Variants in NOL4 observed in about 807,000 individuals in gnomAD.
NOL4 encodes nucleolar protein 4, also known as cancer/testis antigen 125.
NOL4 carries 17 observed loss-of-function variants against 75.9 expected under a neutral mutation model. That is an observed-to-expected ratio of 0.22 (90% CI 0.15 to 0.34). The LOEUF (loss-of-function observed/expected upper bound fraction) is 0.34. NOL4 is among the 10% of genes least tolerant of loss of function. The pLI is 1.00. For missense variants in NOL4, 614 were observed against 793.5 expected (o/e 0.77, Z 2.72); for synonymous variants, 292 against 289.9 (o/e 1.01, Z -0.07).
intron 5 of NOL4, chr18:34,048,626 G>A: frequency 1.0e-6 from 1 of 985,106 alleles, no homozygotes; most frequent in East Asian, 1.1e-4. Flanking sequence ...GCAGGAGATG[G>A]TGTTGCTATG....
chr18:34,099,841 C>T (rs1016913447), intron 4 of NOL4, among the ~76,000 whole-genome samples: 19 of 152,098 alleles, frequency 1.2e-4, no homozygotes, highest in Admixed American at 1.2e-3. Context: ...GTGAGTAATT[C>T]TCTTTTTCCC....
At chr18:34,153,809 A>G (rs2146107452) in intron 1 of NOL4, among the ~76,000 whole-genome samples, 1 of 152,170 alleles carries the variant, frequency 6.6e-6, no homozygotes, top group East Asian at 1.9e-4. Context: ...CCAGTGATCC[A>G]CAGCCAGCAT....
chr18:34,119,910 C>T (rs183942901), intron 2 of NOL4, among the ~76,000 whole-genome samples: 1 of 152,284 alleles, frequency 6.6e-6, no homozygotes, highest in East Asian at 1.9e-4. Context: ...GCTTAAGCCA[C>T]CGCGCCCGGC....
At chr18:33,963,521 G>T (rs1053084427) in intron 6 of NOL4, among the ~76,000 whole-genome samples, 1 of 151,986 alleles carries the variant, frequency 6.6e-6, no homozygotes, top group African/African-American at 2.4e-5. Context: ...AGGTGCAATT[G>T]TTTTCTTACT....
At chr18:33,888,440 A>G (rs2064894624) in intron 9 of NOL4, among the ~76,000 whole-genome samples, 2 of 151,888 alleles carry the variant, frequency 1.3e-5, no homozygotes, top group African/African-American at 4.8e-5. Flanking sequence ...CCATTTGTCA[A>G]TTTTGTCTTT....
chr18:33,965,391 G>A (rs957184491), intron 6 of NOL4, among the ~76,000 whole-genome samples: 14 of 152,040 alleles, frequency 9.2e-5, no homozygotes, highest in African/African-American at 3.4e-4. Flanking sequence ...TACTGGGGAG[G>A]GTGAGGCAGT....
chr18:33,863,718 A>T (rs2063292961), intron 10 of NOL4, among the ~76,000 whole-genome samples: 2 of 152,058 alleles, frequency 1.3e-5, no homozygotes, highest in Non-Finnish European at 2.9e-5. Flanking sequence ...TTGTCAGTGG[A>T]TCTACTATTC....
intron 1 of NOL4, among the ~76,000 whole-genome samples, chr18:34,185,423 G>A (rs923874000): frequency 6.6e-5 from 10 of 152,040 alleles, no homozygotes; most frequent in African/African-American, 2.4e-4. Context: ...GTGTGCTGCA[G>A]GAAAGAAACT....
At chr18:33,963,340 T>C (rs537417621) in intron 6 of NOL4, among the ~76,000 whole-genome samples, 2 of 152,204 alleles carry the variant, frequency 1.3e-5, no homozygotes, top group Non-Finnish European at 2.9e-5. Context: ...AACTATTTGG[T>C]TTTCATAAAT....
At chr18:34,037,802 C>A (rs184056285) in intron 5 of NOL4, among the ~76,000 whole-genome samples, 69 of 151,904 alleles carry the variant, frequency 4.5e-4, no homozygotes, top group Non-Finnish European at 8.4e-4. Context: ...AATTATAAAA[C>A]CACTGTAAGG....
At chr18:33,952,693 G>A (rs1047860217) in intron 8 of NOL4, among the ~76,000 whole-genome samples, 1 of 152,244 alleles carries the variant, frequency 6.6e-6, no homozygotes, top group Non-Finnish European at 1.5e-5. Flanking sequence ...GGGAGGCCAA[G>A]GCGGGTGGAT....
At chr18:34,020,681 T>C (rs1351857821) in intron 5 of NOL4, among the ~76,000 whole-genome samples, 1 of 152,120 alleles carries the variant, frequency 6.6e-6, no homozygotes, top group Non-Finnish European at 1.5e-5. Context: ...TTTTAAGATA[T>C]GGGGATGTGA....
At chr18:33,853,112 T>C in intron 10 of NOL4, 77 bp from the exon 11 acceptor site, 2 of 1,188,436 alleles carry the variant, frequency 1.7e-6, no homozygotes, top group Non-Finnish European at 2.3e-6. Flanking sequence ...TTCAATAAAT[T>C]ATAGTTGAAT....
intron 5 of NOL4, among the ~76,000 whole-genome samples, chr18:34,064,351 A>T (rs1388182454): frequency 6.6e-6 from 1 of 151,988 alleles, no homozygotes. Context: ...CTGCAGTTGT[A>T]CTCGTTGTAT....
chr18:33,942,965 T>C, intron 9 of NOL4, 100 bp downstream of exon 9: 1 of 792,332 alleles, frequency 1.3e-6, no homozygotes, highest in Non-Finnish European at 2.1e-6. Flanking sequence ...TCTGTGTACT[T>C]TAAATCCATT....
chr18:33,893,104 TA>T (rs1174732688), intron 9 of NOL4, among the ~76,000 whole-genome samples: 2 of 152,150 alleles, frequency 1.3e-5, no homozygotes, highest in Non-Finnish European at 2.9e-5. Context: ...TTTATTTGAT[TA>T]AAAATCTATA....
intron 6 of NOL4, among the ~76,000 whole-genome samples, chr18:34,016,928 C>A (rs1342020719): frequency 1.3e-5 from 2 of 152,034 alleles, no homozygotes; most frequent in Non-Finnish European, 2.9e-5. Flanking sequence ...GTTTATCCTG[C>A]AAAAGGATGT....
At chr18:33,987,707 A>C (rs541960177) in intron 6 of NOL4, among the ~76,000 whole-genome samples, 14 of 152,144 alleles carry the variant, frequency 9.2e-5, no homozygotes, top group Non-Finnish European at 1.8e-4. Flanking sequence ...AAGGTATTAG[A>C]GCCAGGATTT....
intron 9 of NOL4, among the ~76,000 whole-genome samples, chr18:33,926,046 T>C (rs1599887329): frequency 6.6e-6 from 1 of 152,222 alleles, no homozygotes; most frequent in East Asian, 1.9e-4. Context: ...AGCAACTTTG[T>C]GTACATGCCT....
Sources: gnomAD v4.1 joint callset for allele counts (sites outside exome capture counted in the v4.1 genomes callset) on GRCh38, gnomAD v4.1.1 for gene constraint, MANE v1.5 for transcripts, NCBI Gene and HGNC (gene_info 2026-07-23, HGNC 2026-07-21) for gene names.